RGS6: variants seen among roughly 807,000 people sequenced by gnomAD.
The protein encoded by RGS6 is regulator of G protein signaling 6.
A neutral mutation model predicts 78.5 loss-of-function variants in RGS6; 30 were observed. That is an observed-to-expected ratio of 0.38 (90% CI 0.29 to 0.52). RGS6 has a LOEUF of 0.52. RGS6 is among the 20% of genes least tolerant of loss of function. RGS6 has a pLI of 0.85. For synonymous variants in RGS6, 206 were observed against 206.0 expected (o/e 1.00, Z 0.00); for missense variants, 495 against 609.7 (o/e 0.81, Z 1.98).
At chr14:72,579,283 A>G in the RGS6 span, among the ~76,000 whole-genome samples, 2 of 152,198 alleles carry the variant, frequency 1.3e-5, no homozygotes, top group East Asian at 1.9e-4. Context: ...GGGCCTCTAA[A>G]TGGGTAATCA....
At chr14:72,457,465 A>C (rs1351056413) in intron 4 of RGS6, among the ~76,000 whole-genome samples, 1 of 150,634 alleles carries the variant, frequency 6.6e-6, no homozygotes, top group Non-Finnish European at 1.5e-5. Flanking sequence ...TAAATTCTTA[A>C]CTTTTTTTTT....
chr14:72,580,321 A>T, the RGS6 span, among the ~76,000 whole-genome samples: 1 of 107,082 alleles, frequency 9.3e-6, no homozygotes, highest in East Asian at 3.4e-4. Context: ...CCCCACCCCG[A>T]CCCCAGGGCC....
intron 2 of RGS6, among the ~76,000 whole-genome samples, chr14:72,203,594 G>A (rs2042061950): frequency 6.6e-6 from 1 of 152,110 alleles, no homozygotes; most frequent in Non-Finnish European, 1.5e-5. Flanking sequence ...ATCCATCATG[G>A]CTGTTGGCTA....
chr14:72,141,348 G>A (rs1327523249), intron 2 of RGS6, among the ~76,000 whole-genome samples: 1 of 152,100 alleles, frequency 6.6e-6, no homozygotes, highest in East Asian at 1.9e-4. Flanking sequence ...ACTCAGTTCT[G>A]TCTCTTCTGC....
the RGS6 span, among the ~76,000 whole-genome samples, chr14:71,876,203 T>A: frequency 6.6e-6 from 1 of 152,158 alleles, no homozygotes; most frequent in Non-Finnish European, 1.5e-5. Flanking sequence ...ATATCCTTGT[T>A]AACTTTCTGT....
At chr14:71,972,821 G>A (rs1325376887) in intron 2 of RGS6, among the ~76,000 whole-genome samples, 1 of 152,164 alleles carries the variant, frequency 6.6e-6, no homozygotes, top group Admixed American at 6.5e-5. Flanking sequence ...AACAGAATTT[G>A]GGGGCTGAGA....
chr14:72,245,928 A>G (rs2054112214), intron 2 of RGS6, among the ~76,000 whole-genome samples: 1 of 152,178 alleles, frequency 6.6e-6, no homozygotes, highest in South Asian at 2.1e-4. Context: ...GGAGAGAAAG[A>G]TGTTATTTTC....
chr14:72,541,470 A>C, intron 17 of RGS6: 1 of 1,535,446 alleles, frequency 6.5e-7, no homozygotes, highest in Non-Finnish European at 8.7e-7. Flanking sequence ...GAGAAATCAG[A>C]ATGTGCAGAA....
chr14:72,244,044 G>C (rs865898135), intron 2 of RGS6, among the ~76,000 whole-genome samples: 1 of 152,156 alleles, frequency 6.6e-6, no homozygotes, highest in Admixed American at 6.5e-5. Context: ...TAGCAAGCTG[G>C]AAAAGTCCCT....
At chr14:72,067,068 G>T (rs2094187140) in intron 2 of RGS6, among the ~76,000 whole-genome samples, 1 of 152,062 alleles carries the variant, frequency 6.6e-6, no homozygotes, top group Non-Finnish European at 1.5e-5. Flanking sequence ...TCATTCATGG[G>T]CATTTGGGTT....
chr14:72,091,628 A>G (rs984261418), intron 2 of RGS6, among the ~76,000 whole-genome samples: 1 of 152,190 alleles, frequency 6.6e-6, no homozygotes, highest in Non-Finnish European at 1.5e-5. Context: ...TACTTTAAAG[A>G]GAATGTAAAT....
At chr14:72,074,173 A>G (rs530431909) in intron 2 of RGS6, among the ~76,000 whole-genome samples, 5 of 152,314 alleles carry the variant, frequency 3.3e-5, no homozygotes, top group East Asian at 1.9e-4. Context: ...AGACAGAAAA[A>G]ATGGTAGTAC....
chr14:71,996,754 T>G (rs560902805), intron 2 of RGS6, among the ~76,000 whole-genome samples: 1 of 148,036 alleles, frequency 6.8e-6, no homozygotes, highest in Non-Finnish European at 1.5e-5. Context: ...ATGAGGAGTC[T>G]GCCAGGAGGA....
At chr14:72,415,793 CCT>C (rs982670577) in intron 3 of RGS6, among the ~76,000 whole-genome samples, 9 of 152,214 alleles carry the variant, frequency 5.9e-5, no homozygotes, top group Non-Finnish European at 1.2e-4. Flanking sequence ...GAATTTTACT[CCT>C]CTCTGTCTCT....
intron 17 of RGS6, among the ~76,000 whole-genome samples, chr14:72,553,084 C>T (rs907705603): frequency 6.6e-6 from 1 of 152,192 alleles, no homozygotes; most frequent in African/African-American, 2.4e-5. Flanking sequence ...GCATGTGCCG[C>T]CTGCCTGATG....
At chr14:72,166,130 ACACAC>A (rs1376110810) in intron 2 of RGS6, among the ~76,000 whole-genome samples, 4,011 of 137,872 alleles carry the variant, frequency 0.029, 88 homozygotes, top group African/African-American at 0.06. Flanking sequence ...ACACACACAC[ACACAC>A]ACAGACTGAC....
intron 11 of RGS6, among the ~76,000 whole-genome samples, chr14:72,477,622 C>G (rs939212781): frequency 1.3e-5 from 2 of 151,646 alleles, no homozygotes; most frequent in African/African-American, 2.4e-5. Flanking sequence ...TGATGAAACC[C>G]CATCTCTACT....
Position 72,228,531 on chromosome 14 carries a change from G to T in RGS6, c.85-123564G>T, listed in dbSNP as rs2048719077. ...GTATTTGAGAAAGATAATTCTGGTG[G>T]TTCAGTAGAAATAGAGCAAGGTGAG... On this transcript the variant is annotated intron_variant, in intron 2 of 17. Transcript: ENST00000553525. 2.0e-5 allele frequency among the ~76,000 whole-genome samples: 3 copies of T among 152,188 alleles called. No homozygotes were observed. In the South Asian group the frequency reaches 6.2e-4, roughly 32 times the overall value.
At chr14:72,118,225 A>G (rs548098422) in intron 2 of RGS6, among the ~76,000 whole-genome samples, 1 of 152,208 alleles carries the variant, frequency 6.6e-6, no homozygotes, top group Non-Finnish European at 1.5e-5. Flanking sequence ...CCGTAAGGCT[A>G]TAATGGGAGA....
Sources: gnomAD v4.1 joint callset for allele counts (sites outside exome capture counted in the v4.1 genomes callset) on GRCh38, gnomAD v4.1.1 for gene constraint, MANE v1.5 for transcripts, NCBI Gene and HGNC (gene_info 2026-07-23, HGNC 2026-07-21) for gene names.